The following ZMYND15 variants were observed in gnomAD, a reference collection of about 807,000 sequenced individuals.
ZMYND15 encodes the protein zinc finger MYND domain-containing protein 15.
Under a neutral mutation model 81.7 loss-of-function variants are expected in ZMYND15, and 54 were observed. The ratio of observed to expected loss-of-function variants is 0.66; its 90% CI spans 0.53 to 0.83. The LOEUF is 0.83. Among genes scored for constraint, ZMYND15 ranks in the 40% least tolerant of loss-of-function variants. The pLI, the probability that ZMYND15 is intolerant of heterozygous loss-of-function variation, is 0.00. For missense variants in ZMYND15, 925 were observed against 973.5 expected (o/e 0.95, Z 0.66); for synonymous variants, 399 against 387.0 (o/e 1.03, Z -0.36).
Position 4,739,886 on chromosome 17 carries a change from C to A in ZMYND15, c.-195C>A. Reference sequence around the variant, plus strand: ...CCCGGTGGAGAGAGTCGCCGCCAGCCCCGGCCGCGCGCACCTGCGGGGCAG... The same window carrying A: ...CCCGGTGGAGAGAGTCGCCGCCAGCACCGGCCGCGCGCACCTGCGGGGCAG... On this transcript the variant is annotated 5_prime_UTR_variant, in exon 1 of 14. Transcript: ENST00000433935. The surrounding 1 kb of genome is among the most constrained non-coding windows in gnomAD (Gnocchi z 5.3). 1 of 985,656 alleles carries A rather than the reference C, an allele frequency of 1.0e-6. No individual in the cohort carries two copies. Among genetic ancestry groups the A allele is most frequent in the Non-Finnish European group, 1.2e-6 (1 of 830,214 alleles). 61.1% of individuals were successfully genotyped at this position (985,656 alleles called of 1,614,324 possible).
At position 4,741,167 on chromosome 17, in the gene ZMYND15, T is replaced by TA. The variant is rs573496093; in HGVS notation, c.592+28dup. ...TAAGAACCCAGGGCTGGCCCTGCCC[T>TA]ACCCCTTGCCCAGCCATCCTCCCTT... On this transcript the variant is annotated intron_variant, in intron 2 of 13. Coordinates refer to ENST00000433935, the MANE Select transcript of ZMYND15 (RefSeq NM_001136046.3). 9 of 1,412,128 alleles carry TA rather than the reference T, an allele frequency of 6.4e-6. No homozygotes were observed. In the South Asian group the frequency reaches 1.5e-4, roughly 24 times the overall value. The allele number at this position is 1,412,128 out of a possible 1,614,324, so 87.5% of individuals were successfully genotyped here.
Position 4,741,910 on chromosome 17 carries a change from T to C in ZMYND15, c.828-5T>C. The C allele has an allele frequency of 1.2e-6, 2 of 1,613,612 alleles. No homozygotes were observed. The highest frequency in any genetic ancestry group is 8.5e-7 in the Non-Finnish European group (1 of 1,179,700). The stretch of plus-strand genomic sequence containing the variant: ...TGATGCCATCTCCCCCCCAACTGCA[T>C]TTAGAGAGCTGGAGAGCTTGGTCCC... On this transcript the variant is annotated splice_polypyrimidine_tract_variant and splice_region_variant and intron_variant, in intron 3 of 13. Coordinates refer to ENST00000433935, the MANE Select transcript of ZMYND15 (RefSeq NM_001136046.3).
In ZMYND15 at chr17:4,744,233, C is replaced by A. The variant is rs769713395; in HGVS notation, c.1539C>A (p.His513Gln). The change falls in exon 9 of 14, where the codon CAC becomes CAA. Residue 513 changes from histidine to glutamine, a missense_variant. Physicochemically the swap from His to Gln is conservative, Grantham distance 24. Coordinates refer to ENST00000433935, the MANE Select transcript of ZMYND15 (RefSeq NM_001136046.3). This position sits in a 1 kb window ranked among gnomAD's most constrained non-coding sequence, Gnocchi z 4.1. ...NIQNKQSLKI[H>Q]VVEAGKEFDL... ...AAAACAAACAGTCACTGAAGATCCA[C>A]GTGGTGGAGGCCGGGAAGGAGTTTG... 6.2e-7 allele frequency: 1 copy of A among 1,613,944 alleles called. No homozygotes were observed. The highest frequency in any genetic ancestry group is 1.3e-5 in the African/African-American group (1 of 74,894).
In ZMYND15 at chr17:4,741,618, T is replaced by C; in HGVS notation, c.629T>C (p.Val210Ala). The stretch of plus-strand genomic sequence containing the variant: ...CTGCACGTTTCCTGTCTCTTACTTG[T>C]GACGGATGAGCATGGCACCATCTTG... The part of the protein sequence containing the change: ...APLHVSCLLL[V>A]TDEHGTILGI... The change falls in exon 3 of 14, where the codon GTG (valine) becomes GCG (alanine). Residue 210 changes from valine (V) to alanine (A), a missense_variant. Coordinates refer to ENST00000433935, the MANE Select transcript of ZMYND15 (RefSeq NM_001136046.3). The C allele has an allele frequency of 6.2e-7, 1 of 1,614,118 alleles. No homozygotes were observed. Among genetic ancestry groups the C allele is most frequent in the African/African-American group, 1.3e-5 (1 of 75,038 alleles).
chr17:4,741,277 G>T, intron 2 of ZMYND15, 137 bp downstream of exon 2: 1 of 1,049,894 alleles, frequency 9.5e-7, no homozygotes, highest in Non-Finnish European at 1.3e-6. Flanking sequence ...ACCCACAGTG[G>T]GGTTTTTTTT....
At chr17:4,742,983 G>T (rs1916492843) in intron 5 of ZMYND15, among the ~76,000 whole-genome samples, 1 of 152,078 alleles carries the variant, frequency 6.6e-6, no homozygotes, top group Non-Finnish European at 1.5e-5. Flanking sequence ...TCTAGGCCGG[G>T]CAATGGTTCA....
Position 4,745,116 on chromosome 17 carries a change from G to C in ZMYND15, c.1897-99G>C, listed in dbSNP as rs966361756. ...TCCTCCCCCTGCTCCCCTCCGCCCG[G>C]TCTGTCCGGGGACCTCGGCTTTCAG... On this transcript the variant is annotated intron_variant, in intron 12 of 13. Coordinates refer to ENST00000433935, the MANE Select transcript of ZMYND15 (RefSeq NM_001136046.3). This position sits in a 1 kb window ranked among gnomAD's most constrained non-coding sequence, Gnocchi z 5.2. 56 of 1,597,364 alleles carry C rather than the reference G, an allele frequency of 3.5e-5. No homozygotes were observed. The highest frequency in any genetic ancestry group is 4.2e-5 in the Non-Finnish European group (49 of 1,169,920).
In ZMYND15 at chr17:4,740,659, G is replaced by C; in HGVS notation, c.111G>C (p.Glu37Asp). The change falls in exon 2 of 14, where the codon GAG becomes GAC. Residue 37 changes from glutamate (E) to aspartate (D), a missense_variant. Transcript: ENST00000433935. ...AERGAVGTSL[E>D]GRCRQLEAQI... ...GTGGAGCTGTAGGGACTAGCCTTGA[G>C]GGCCGCTGCCGGCAGCTGGAGGCCC... The C allele has an allele frequency of 6.2e-7, 1 of 1,614,198 alleles. No homozygotes were observed.
chr17:4,743,656 T>A lies in ZMYND15; in HGVS notation c.1298-111T>A. ...AACCCCATCCCTATGCAAACCCCCATTCCTCTTACTGCGGCTGTCTCAGGG... is the reference window on the plus strand; with the variant it reads ...AACCCCATCCCTATGCAAACCCCCAATCCTCTTACTGCGGCTGTCTCAGGG... On this transcript the variant is annotated intron_variant, in intron 6 of 13. Transcript: ENST00000433935. The surrounding 1 kb of genome is among the most constrained non-coding windows in gnomAD (Gnocchi z 4.3). The A allele has an allele frequency of 2.3e-6, 3 of 1,290,188 alleles. No homozygotes were observed. Among genetic ancestry groups the A allele is most frequent in the Non-Finnish European group, 3.2e-6 (3 of 939,272 alleles). 79.9% of individuals were successfully genotyped at this position (1,290,188 alleles called of 1,614,324 possible). A position where few individuals can be genotyped will look rare whatever the true frequency, so the allele number is the denominator to read the frequency against.
chr17:4,740,096 C>A, intron 1 of ZMYND15, 46 bp downstream of exon 1: 1 of 984,432 alleles, frequency 1.0e-6, no homozygotes, highest in Non-Finnish European at 1.2e-6. Flanking sequence ...TCTACCGGGG[C>A]TGCCCGCCAC....
chr17:4,741,787 G>A lies in ZMYND15; in HGVS notation c.798G>A (p.Gln266=), dbSNP rs1255161801. The A allele has an allele frequency of 1.3e-6, 2 of 1,579,352 alleles. No homozygotes were observed. Among genetic ancestry groups the A allele is most frequent in the African/African-American group, 1.4e-5 (1 of 73,794 alleles). Residue 266 remains glutamine, a synonymous_variant, in exon 3 of 14, where the codon CAG becomes CAA. Transcript: ENST00000433935. ...MGSGDPRKPR[Q]LTVGDARLHR... Reference sequence around the variant, plus strand: ...CTGGGGATCCCCGAAAGCCCCGACAGCTTACTGTGGGAGATGCCCGGCTGC... The same window carrying A: ...CTGGGGATCCCCGAAAGCCCCGACAACTTACTGTGGGAGATGCCCGGCTGC...
intron 2 of ZMYND15, 127 bp from the exon 3 acceptor site, chr17:4,741,455 C>T (rs1465603926): frequency 1.9e-6 from 2 of 1,061,638 alleles, no homozygotes; most frequent in Non-Finnish European, 2.8e-6. Context: ...GCCCTCTCTA[C>T]CCAGAGCCCT....
In ZMYND15 at chr17:4,743,056, C is replaced by A. The variant is rs1414458159; in HGVS notation, c.1145-247C>A. Among the ~76,000 whole-genome samples the A allele has an allele frequency of 1.3e-5, 2 of 152,084 alleles. No homozygotes were observed. Among genetic ancestry groups the A allele is most frequent in the East Asian group, 3.9e-4 (2 of 5,174 alleles). On this transcript the variant is annotated intron_variant, in intron 5 of 13. Coordinates refer to ENST00000433935, the MANE Select transcript of ZMYND15 (RefSeq NM_001136046.3). This position sits in a 1 kb window ranked among gnomAD's most constrained non-coding sequence, Gnocchi z 4.3. Reference sequence around the variant, plus strand: ...CCCAGGAATTTGAGATCAGCCTGGGCAACATAGACTCTGTCTCTACAAAAA... The same window carrying A: ...CCCAGGAATTTGAGATCAGCCTGGGAAACATAGACTCTGTCTCTACAAAAA...
At chr17:4,740,361 A>G (rs1224602665) in intron 1 of ZMYND15, 158 bp from the exon 2 acceptor site, 9 of 1,257,966 alleles carry the variant, frequency 7.2e-6, no homozygotes, top group East Asian at 2.9e-5. Flanking sequence ...CTAAACTCCC[A>G]TCCTCAGCCC....
In ZMYND15 at chr17:4,745,039, A is replaced by G. The variant is rs74553543; in HGVS notation, c.1896+111A>G. ...TCCTCTTCACCATCACCTGCTCCACAAACCTGGGGAGTGCCCACGGGTCCC... is the reference window on the plus strand; with the variant it reads ...TCCTCTTCACCATCACCTGCTCCACGAACCTGGGGAGTGCCCACGGGTCCC... On this transcript the variant is annotated intron_variant, in intron 12 of 13. Transcript: ENST00000433935. This position sits in a 1 kb window ranked among gnomAD's most constrained non-coding sequence, Gnocchi z 5.2. The G allele has an allele frequency of 3.2e-3, 4,979 of 1,552,076 alleles. 100 individuals carry two copies. In the African/African-American group the frequency reaches 0.055, roughly 17 times the overall value.
At chr17:4,742,147 T>C in intron 4 of ZMYND15, 77 bp downstream of exon 4, 1 of 1,586,644 alleles carries the variant, frequency 6.3e-7, no homozygotes, top group Non-Finnish European at 8.6e-7. Flanking sequence ...GGGGGGCGCC[T>C]AGCAGACAGA....
In ZMYND15 at chr17:4,744,625, G is replaced by A. The variant is rs1484907755; in HGVS notation, c.1684G>A (p.Asp562Asn). 6.8e-6 allele frequency: 11 copies of A among 1,611,094 alleles called. No individual in the cohort carries two copies. Among genetic ancestry groups the A allele is most frequent in the Non-Finnish European group, 7.6e-6 (9 of 1,179,208 alleles). ...SDEQHFTLQRDSLEVSVRPGS... is the reference protein window; with the variant it reads ...SDEQHFTLQRNSLEVSVRPGS... The stretch of plus-strand genomic sequence containing the variant: ...CCACCCCACTCCTGGGGCCCCTCAG[G>A]ACAGCCTGGAGGTGTCTGTCCGGCC... Residue 562 changes from aspartate to asparagine, a missense_variant and splice_region_variant, in exon 11 of 14, where the codon GAC becomes AAC. Physicochemically the swap from Asp to Asn is conservative, Grantham distance 23 (BLOSUM62 1). Transcript: ENST00000433935. This position sits in a 1 kb window ranked among gnomAD's most constrained non-coding sequence, Gnocchi z 4.1.
rs757380212 is a variant in ZMYND15, at chr17:4,741,630, A to G, written c.641A>G (p.His214Arg). Residue 214 changes from histidine to arginine, a missense_variant, in exon 3 of 14, where the codon CAT becomes CGT. Physicochemically the swap from His to Arg is conservative, Grantham distance 29 (BLOSUM62 0). Coordinates refer to ENST00000433935, the MANE Select transcript of ZMYND15 (RefSeq NM_001136046.3). Reference sequence around the variant, plus strand: ...TGTCTCTTACTTGTGACGGATGAGCATGGCACCATCTTGGGCATTGATCTG... The same window carrying G: ...TGTCTCTTACTTGTGACGGATGAGCGTGGCACCATCTTGGGCATTGATCTG... ...VSCLLLVTDEHGTILGIDLLV... is the reference protein window; with the variant it reads ...VSCLLLVTDERGTILGIDLLV... 3.7e-6 allele frequency: 6 copies of G among 1,614,096 alleles called. No individual in the cohort carries two copies. The highest frequency in any genetic ancestry group is 8.5e-7 in the Non-Finnish European group (1 of 1,179,996).
In ZMYND15 at chr17:4,741,659, G is replaced by C; in HGVS notation, c.670G>C (p.Val224Leu). ...CACCATCTTGGGCATTGATCTGCTA[G>C]TGGATGGAGCCCAGGGAACCGCAAG... is the stretch of plus-strand genomic sequence containing the variant. ...HGTILGIDLL[V>L]DGAQGTASWG... Residue 224 changes from valine to leucine, a missense_variant, in exon 3 of 14, where the codon GTG (valine) becomes CTG (leucine). Physicochemically the swap from Val to Leu is conservative, Grantham distance 32. Transcript: ENST00000433935. 1.2e-6 allele frequency: 2 copies of C among 1,614,108 alleles called. No individual in the cohort carries two copies. Among genetic ancestry groups the C allele is most frequent in the African/African-American group, 1.3e-5 (1 of 75,020 alleles).
Sources: gnomAD v4.1 joint callset for allele counts (sites outside exome capture counted in the v4.1 genomes callset) on GRCh38, gnomAD v4.1.1 for gene constraint, Gnocchi (gnomAD v3.1) non-coding constraint, MANE v1.5 for transcripts, NCBI Gene and HGNC (gene_info 2026-07-23, HGNC 2026-07-21) for gene names.